Variants in NF1 observed in about 807,000 individuals in gnomAD.
NF1 encodes neurofibromin.
A neutral mutation model predicts 325.7 loss-of-function variants in NF1; 122 were observed. The observed-to-expected ratio is 0.37, with a 90% CI of 0.32 to 0.44. NF1 has a LOEUF of 0.44. Ranked by LOEUF, NF1 falls within the 20% of genes least tolerant of loss-of-function variation. The pLI is 1.00. For synonymous variants in NF1, 1,091 were observed against 1,186.0 expected, an observed-to-expected ratio of 0.92 and a Z score of 1.65; for missense variants, 2,140 against 3,415.4, an observed-to-expected ratio of 0.63 and a Z score of 9.31.
intron 14 of NF1, among the ~76,000 whole-genome samples, chr17:31,219,945 C>G (rs1268968212): frequency 6.6e-6 from 1 of 152,052 alleles, no homozygotes; most frequent in Non-Finnish European, 1.5e-5. Context: ...TTTTGTTCAT[C>G]TAGTTATCAG....
intron 36 of NF1, among the ~76,000 whole-genome samples, chr17:31,284,290 TC>T (rs1342727371): frequency 2.0e-5 from 3 of 151,982 alleles, no homozygotes; most frequent in Non-Finnish European, 4.4e-5. Flanking sequence ...TTTTGTTTTT[TC>T]TTTTTTTTTG....
At chr17:31,253,370 G>T in intron 31 of NF1, 2 of 198,048 alleles carry the variant, frequency 1.0e-5, no homozygotes, top group Non-Finnish European at 2.1e-5. Flanking sequence ...TAATGTGAGT[G>T]GTTTCTTTTC....
intron 8 of NF1, among the ~76,000 whole-genome samples, chr17:31,185,692 T>G (rs56104773): frequency 0.049 from 7,395 of 152,274 alleles, 239 homozygotes; most frequent in Non-Finnish European, 0.078. Context: ...CTCTGGCCCA[T>G]TTATCCAGTG....
rs1369781933 is a variant in NF1 at position 31,243,214 on chromosome 17, T to TGTGTGTGTGTGTGTGTGTGTGTGTGTGTG, written c.3975-5769_3975-5768insTGTGTGTGTGTGTGTGTGTGTGTGTGTGG. ...TGTGTGTGTGTGTGTGTGTGTGTGT[T>TGTGTGTGTGTGTGTGTGTGTGTGTGTGTG]GAGCTGCCTGGAGCTGGGGGAGGGG... On this transcript the variant is annotated intron_variant, in intron 29 of 57. Transcript: ENST00000358273. 4.2e-3 allele frequency among the ~76,000 whole-genome samples: 297 copies of TGTGTGTGTGTGTGTGTGTGTGTGTGTGTG among 70,536 alleles called. 3 individuals are homozygous for TGTGTGTGTGTGTGTGTGTGTGTGTGTGTG. Among genetic ancestry groups the TGTGTGTGTGTGTGTGTGTGTGTGTGTGTG allele is most frequent in the African/African-American group, 0.017 (283 of 16,362 alleles). The allele number at this position is 70,536 out of a possible 152,430, so 46.3% of individuals were successfully genotyped here.
chr17:31,352,476 T>G, intron 51 of NF1, 62 bp downstream of exon 51: 2 of 1,403,578 alleles, frequency 1.4e-6, no homozygotes, highest in Non-Finnish European at 9.5e-7. Context: ...ATTTTTACTC[T>G]TGGAAAATTA....
chr17:31,173,804 A>AGATCT (rs2065972914), intron 5 of NF1, among the ~76,000 whole-genome samples: 1 of 152,238 alleles, frequency 6.6e-6, no homozygotes, highest in African/African-American at 2.4e-5. Flanking sequence ...TAGGATGTCC[A>AGATCT]ACAAGAAACT....
intron 33 of NF1, 93 bp downstream of exon 33, chr17:31,259,222 G>T: frequency 1.2e-6 from 1 of 864,914 alleles, no homozygotes; most frequent in Non-Finnish European, 1.9e-6. Context: ...TGAAGTTCCT[G>T]TGTAAGTTTT....
intron 31 of NF1, chr17:31,254,101 A>G (rs967926096): frequency 1.3e-5 from 2 of 151,398 alleles, no homozygotes; most frequent in Non-Finnish European, 2.9e-5. Flanking sequence ...CGTCTCTACA[A>G]ATAATTTTTT....
chr17:31,339,254 A>G (rs1275588598), intron 46 of NF1, among the ~76,000 whole-genome samples: 1 of 152,166 alleles, frequency 6.6e-6, no homozygotes, highest in Non-Finnish European at 1.5e-5. Context: ...GATTATTACT[A>G]TGGAGAAATT....
At position 31,376,095 on chromosome 17, in the gene NF1, A is replaced by C. The variant is rs2070727051; in HGVS notation, c.*1940A>C. On this transcript the variant is annotated 3_prime_UTR_variant, in exon 58 of 58. Transcript: ENST00000358273. Reference sequence around the variant, plus strand: ...GAACTGTGTTTAGAAATAGATCAGTAACCCAGTGCCAAGGATGCCAAGCTG... The same window carrying C: ...GAACTGTGTTTAGAAATAGATCAGTCACCCAGTGCCAAGGATGCCAAGCTG... The C allele has an allele frequency of 4.3e-6, 1 of 233,032 alleles. No individual in the cohort carries two copies. Among genetic ancestry groups the C allele is most frequent in the East Asian group, 6.0e-5 (1 of 16,548 alleles). 14.4% of individuals were successfully genotyped at this position (233,032 alleles called of 1,614,324 possible). A position where few individuals can be genotyped will look rare whatever the true frequency, so the allele number is the denominator to read the frequency against.
rs144364775 is a variant in NF1 at position 31,305,253 on chromosome 17, T to C, written c.4836-20567T>C. The C allele has an allele frequency of 9.7e-5, 156 of 1,614,178 alleles. 1 individual carries two copies. The African/African-American group carries it at 1.7e-3, about 18-fold the overall frequency. On this transcript the variant is annotated intron_variant, in intron 36 of 57. Transcript: ENST00000358273. Reference sequence around the variant, plus strand: ...GTTGTCTGGCAGAGGTGAACACGGCTTGCTGGGAGGAGGTGTTGGCTATTG... The same window carrying C: ...GTTGTCTGGCAGAGGTGAACACGGCCTGCTGGGAGGAGGTGTTGGCTATTG...
intron 13 of NF1, among the ~76,000 whole-genome samples, 183 bp from the exon 14 acceptor site, chr17:31,218,822 A>T (rs2066869497): frequency 6.6e-6 from 1 of 152,058 alleles, no homozygotes; most frequent in Non-Finnish European, 1.5e-5. Flanking sequence ...TCCACCCGCC[A>T]CTACCTCCCA....
chr17:31,293,856 T>TG (rs1388015823), intron 36 of NF1, among the ~76,000 whole-genome samples: 2 of 152,238 alleles, frequency 1.3e-5, no homozygotes, highest in African/African-American at 2.4e-5. Context: ...TTCTTATGTT[T>TG]GTCACTAATT....
intron 30 of NF1, chr17:31,250,078 G>A: frequency 2.1e-6 from 1 of 482,004 alleles, no homozygotes; most frequent in South Asian, 1.6e-5. Flanking sequence ...TTTCACCATT[G>A]CTATTTTTAA....
chr17:31,112,888 G>A lies in NF1; in HGVS notation c.60+17519G>A, dbSNP rs369411125. Among the ~76,000 whole-genome samples, 222 of 152,166 alleles carry A rather than the reference G, an allele frequency of 1.5e-3. 9 individuals are homozygous for A. The South Asian group carries it at 0.044, about 30-fold the overall frequency. On this transcript the variant is annotated intron_variant, in intron 1 of 57. Transcript: ENST00000358273. ...GTAGAAATTTAGGATTTATACTAAC[G>A]TTTGTGGCTCATTTTTAGTTAATTT...
chr17:31,249,250 C>A, intron 30 of NF1, 131 bp downstream of exon 30: 2 of 1,061,746 alleles, frequency 1.9e-6, no homozygotes, highest in Non-Finnish European at 2.9e-6. Context: ...ATGAATAATA[C>A]ATTGAGAATT....
rs17883904 is a variant in NF1 at position 31,162,651 on chromosome 17, G to A, written c.289-535G>A. On this transcript the variant is annotated intron_variant, in intron 3 of 57. Coordinates refer to ENST00000358273, the MANE Select transcript of NF1 (RefSeq NM_001042492.3). ...ATTAGAGAAAATTCTTTTAAGAGATGCCAAGGCACATGGGGTGAAGTATTC... is the reference window on the plus strand; with the variant it reads ...ATTAGAGAAAATTCTTTTAAGAGATACCAAGGCACATGGGGTGAAGTATTC... Among the ~76,000 whole-genome samples, 571 of 152,290 alleles carry A rather than the reference G, an allele frequency of 3.7e-3. 5 individuals carry two copies. The highest frequency in any genetic ancestry group is 0.013 in the African/African-American group (534 of 41,564).
At chr17:31,335,113 C>G in intron 40 of NF1, 82 bp downstream of exon 40, 1 of 1,153,204 alleles carries the variant, frequency 8.7e-7, no homozygotes, top group Non-Finnish European at 1.3e-6. Flanking sequence ...AAGCACTGCG[C>G]TAGACACTAG....
Position 31,336,402 on chromosome 17 carries a change from A to G in NF1, c.6076A>G (p.Ile2026Val), listed in dbSNP as rs1376868609. Residue 2026 changes from isoleucine to valine, a missense_variant, in exon 41 of 58, where the codon ATA becomes GTA. By Grantham distance (29) the Ile-to-Val change is conservative. This residue lies in a region of NF1 where 180 missense variants were observed against 435.1 expected (regional missense o/e 0.41). Coordinates refer to ENST00000358273, the MANE Select transcript of NF1 (RefSeq NM_001042492.3). The surrounding 1 kb of genome is among the most constrained non-coding windows in gnomAD (Gnocchi z 5.5). ...CAGTGCAACAGGTGGCTTGGGATCA[A>G]TAAAAGCTGAGGTGATGGCAGATAC... Reference protein sequence around the residue: ...KTSATGGLGSIKAEVMADTAV... With the variant: ...KTSATGGLGSVKAEVMADTAV... 3 of 1,614,146 alleles carry G rather than the reference A, an allele frequency of 1.9e-6. No homozygotes were observed. Among genetic ancestry groups the G allele is most frequent in the East Asian group, 2.2e-5 (1 of 44,866 alleles).
Sources: allele counts gnomAD v4.1 joint callset (sites outside exome capture counted in the v4.1 genomes callset), GRCh38; gene constraint gnomAD v4.1.1; regional missense constraint gnomAD v4.1.1; non-coding constraint Gnocchi (gnomAD v3.1); transcripts MANE v1.5; gene names NCBI Gene and HGNC (gene_info 2026-07-23, HGNC 2026-07-21).